NRXN3: variants seen among roughly 807,000 people sequenced by gnomAD.
The protein encoded by NRXN3 is neurexin III.
A neutral mutation model predicts 137.6 loss-of-function variants in NRXN3; 32 were observed. That is an observed-to-expected ratio of 0.23 (90% CI 0.18 to 0.31). The LOEUF is 0.31. NRXN3 is among the 10% of genes least tolerant of loss of function. The pLI is 1.00. For missense variants in NRXN3, 1,574 were observed against 2,062.5 expected (o/e 0.76, Z 4.59); for synonymous variants, 798 against 784.5 (o/e 1.02, Z -0.29).
intron 8 of NRXN3, among the ~76,000 whole-genome samples, chr14:78,734,023 G>GGGAA (rs2098529294): frequency 6.6e-6 from 1 of 152,042 alleles, no homozygotes; most frequent in Admixed American, 6.6e-5. Context: ...GCAGAGGAGG[G>GGGAA]GGAAAGAGAA....
intron 20 of NRXN3, chr14:79,853,474 T>C: frequency 1.1e-6 from 1 of 918,812 alleles, no homozygotes; most frequent in Non-Finnish European, 1.5e-6. Context: ...TTCTGTTCTT[T>C]ATTTCCATAG....
intron 15 of NRXN3, among the ~76,000 whole-genome samples, chr14:78,997,580 T>C (rs1012968018): frequency 6.6e-6 from 1 of 152,232 alleles, no homozygotes; most frequent in African/African-American, 2.4e-5. Context: ...TCTTGTAAAA[T>C]AGAAATAATA....
intron 15 of NRXN3, among the ~76,000 whole-genome samples, chr14:79,379,242 T>A (rs1271655790): frequency 6.6e-6 from 1 of 152,208 alleles, no homozygotes; most frequent in African/African-American, 2.4e-5. Context: ...GTCCCTATAA[T>A]GATTTTGGTA....
chr14:78,225,974 G>GGTGTGT lies in NRXN3; in HGVS notation c.-703-16378_-703-16373dup, dbSNP rs71131635. Among the ~76,000 whole-genome samples, 1,134 of 123,690 alleles carry GGTGTGT rather than the reference G, an allele frequency of 9.2e-3. 7 individuals are homozygous for GGTGTGT. Among genetic ancestry groups the GGTGTGT allele is most frequent in the Non-Finnish European group, 0.015 (873 of 58,872 alleles). 81.1% of individuals were successfully genotyped at this position (123,690 alleles called of 152,430 possible). ...TTTGGTGTGTGTGTGTGTGTGTGTT[G>GGTGTGT]GTGTGTGTGTGTGTGTGTGTGTGTG... On this transcript the variant is annotated intron_variant, in intron 1 of 20. Transcript: ENST00000335750.
At chr14:78,751,284 C>T (rs537135094) in intron 8 of NRXN3, among the ~76,000 whole-genome samples, 17 of 152,218 alleles carry the variant, frequency 1.1e-4, no homozygotes, top group Admixed American at 5.9e-4. Context: ...ATAGCATCCC[C>T]GATGTTCCGA....
At chr14:78,810,801 A>T (rs73319748) in intron 10 of NRXN3, among the ~76,000 whole-genome samples, 1 of 152,112 alleles carries the variant, frequency 6.6e-6, no homozygotes, top group Non-Finnish European at 1.5e-5. Context: ...CCCAGTATTT[A>T]TCTCTGTTGG....
intron 15 of NRXN3, among the ~76,000 whole-genome samples, chr14:79,031,335 A>G (rs949093681): frequency 5.0e-4 from 76 of 152,314 alleles, no homozygotes; most frequent in African/African-American, 1.7e-3. Flanking sequence ...TTATAAAGCA[A>G]TTATCTTAGA....
intron 15 of NRXN3, chr14:79,247,390 T>C (rs1315083811): frequency 1.3e-5 from 2 of 152,122 alleles, no homozygotes; most frequent in Admixed American, 1.3e-4. Flanking sequence ...AAAATATGCA[T>C]TGCCATACTA....
intron 16 of NRXN3, among the ~76,000 whole-genome samples, chr14:79,578,100 C>T (rs1007261503): frequency 6.6e-6 from 1 of 152,188 alleles, no homozygotes. Flanking sequence ...TTCTCCAAAT[C>T]ACTTTCAGAT....
At chr14:79,302,236 T>C (rs1289732192) in intron 15 of NRXN3, among the ~76,000 whole-genome samples, 1 of 152,042 alleles carries the variant, frequency 6.6e-6, no homozygotes, top group Non-Finnish European at 1.5e-5. Flanking sequence ...ACAAGATAGA[T>C]ATCACTATGC....
At chr14:78,532,650 C>A (rs149227147) in intron 4 of NRXN3, among the ~76,000 whole-genome samples, 462 of 152,138 alleles carry the variant, frequency 3.0e-3, no homozygotes, top group African/African-American at 0.01. Context: ...AGCTTAGAAT[C>A]ATCTTTCCTG....
intron 16 of NRXN3, among the ~76,000 whole-genome samples, chr14:79,638,175 T>G (rs1254676887): frequency 6.6e-6 from 1 of 152,226 alleles, no homozygotes; most frequent in Admixed American, 6.5e-5. Flanking sequence ...CTGTGGTTTA[T>G]AACATGCTGT....
chr14:79,127,274 A>G lies in NRXN3; in HGVS notation c.3262+139133A>G, dbSNP rs187782103. Among the ~76,000 whole-genome samples, 1,169 of 152,154 alleles carry G rather than the reference A, an allele frequency of 7.7e-3. 17 individuals carry two copies. Among genetic ancestry groups the G allele is most frequent in the African/African-American group, 0.027 (1,122 of 41,500 alleles). The stretch of plus-strand genomic sequence containing the variant: ...CCATGCCTATGTCCTGAATGGTAAT[A>G]CCTAGGTTTTCTTCTAGGGTTTTTA... On this transcript the variant is annotated intron_variant, in intron 15 of 20. Coordinates refer to ENST00000335750, the MANE Select transcript of NRXN3 (RefSeq NM_001330195.2).
intron 16 of NRXN3, among the ~76,000 whole-genome samples, chr14:79,486,937 C>G (rs2096661633): frequency 6.7e-6 from 1 of 150,146 alleles, no homozygotes; most frequent in African/African-American, 2.5e-5. Flanking sequence ...CTCTCTCTCT[C>G]TCTCTCTCTC....
intron 15 of NRXN3, among the ~76,000 whole-genome samples, chr14:79,452,012 C>G (rs918459094): frequency 6.6e-6 from 1 of 151,982 alleles, no homozygotes; most frequent in Admixed American, 6.6e-5. Flanking sequence ...ACCTATGTGG[C>G]CCAATGTGCA....
intron 19 of NRXN3, among the ~76,000 whole-genome samples, chr14:79,758,475 T>A (rs1172342562): frequency 6.6e-6 from 1 of 152,060 alleles, no homozygotes. Context: ...ATAAAAGAAC[T>A]CACTCATTAC....
intron 15 of NRXN3, among the ~76,000 whole-genome samples, chr14:79,068,273 T>C (rs574817198): frequency 6.6e-6 from 1 of 152,110 alleles, no homozygotes; most frequent in Non-Finnish European, 1.5e-5. Flanking sequence ...AAGAATACTT[T>C]AACTTTAAAC....
intron 4 of NRXN3, among the ~76,000 whole-genome samples, chr14:78,390,722 G>A (rs57526774): frequency 0.02 from 2,967 of 152,120 alleles, 76 homozygotes; most frequent in African/African-American, 0.063. Context: ...TACATCTATT[G>A]CTTGAAAGAA....
rs962384548 is a variant in NRXN3, at chr14:78,252,085, C to T, written c.709+8283C>T. 1.1e-4 allele frequency among the ~76,000 whole-genome samples: 16 copies of T among 152,066 alleles called. No individual in the cohort carries two copies. The South Asian group carries it at 1.5e-3, about 14-fold the overall frequency. On this transcript the variant is annotated intron_variant, in intron 2 of 20. Transcript: ENST00000335750. ...ACGGGACTCCCTTTAAATGTGTCAT[C>T]GTCTATATCCGCTCTCAAACCTTGA...
Sources: allele counts gnomAD v4.1 joint callset (sites outside exome capture counted in the v4.1 genomes callset), GRCh38; gene constraint gnomAD v4.1.1; transcripts MANE v1.5; gene names NCBI Gene and HGNC (gene_info 2026-07-23, HGNC 2026-07-21).